PRIM2: variants seen among roughly 807,000 people sequenced by gnomAD.
The protein encoded by PRIM2 is DNA primase large subunit.
In PRIM2, 39 loss-of-function variants were observed where a neutral mutation model predicts 67.3. That is an observed-to-expected ratio of 0.58 (90% CI 0.45 to 0.76). The LOEUF is 0.76. Ranked by LOEUF, PRIM2 falls within the 30% of genes least tolerant of loss-of-function variation. The pLI is 0.00. For missense variants in PRIM2, 398 were observed against 598.7 expected (o/e 0.66, Z 3.50); for synonymous variants, 143 against 198.7 (o/e 0.72, Z 2.36).
the PRIM2 span, among the ~76,000 whole-genome samples, chr6:57,297,551 A>G: frequency 6.6e-6 from 1 of 152,368 alleles, no homozygotes; most frequent in South Asian, 2.1e-4. Context: ...ACATGATGAG[A>G]AACAGGATAT....
chr6:57,294,900 C>T, the PRIM2 span, among the ~76,000 whole-genome samples: 1 of 151,708 alleles, frequency 6.6e-6, no homozygotes, highest in East Asian at 1.9e-4. Flanking sequence ...ACCTCCACCT[C>T]CCGGATTTCA....
chr6:57,276,521 T>C, the PRIM2 span, among the ~76,000 whole-genome samples: 2 of 151,890 alleles, frequency 1.3e-5, no homozygotes, highest in Non-Finnish European at 2.9e-5. Context: ...GAAAAGGTAG[T>C]GGTTACTTTT....
intron 5 of PRIM2, among the ~76,000 whole-genome samples, chr6:57,350,860 C>T (rs527522047): frequency 6.6e-6 from 1 of 152,050 alleles, no homozygotes; most frequent in Admixed American, 6.6e-5. Flanking sequence ...ATACCATCTC[C>T]TTTTTTTATT....
intron 8 of PRIM2, among the ~76,000 whole-genome samples, chr6:57,508,077 C>T (rs1554347368): frequency 6.6e-6 from 1 of 152,278 alleles, no homozygotes; most frequent in Middle Eastern, 3.4e-3. Context: ...GCTAGGATTA[C>T]AGGTGTGGGG....
At chr6:57,375,079 C>T (rs1274496514) in intron 5 of PRIM2, among the ~76,000 whole-genome samples, 34 of 152,214 alleles carry the variant, frequency 2.2e-4, no homozygotes, top group Non-Finnish European at 4.3e-4. Flanking sequence ...GCCTGATTGC[C>T]TTAGCAGGAA....
At chr6:57,611,026 G>A (rs1326441946) in intron 12 of PRIM2, among the ~76,000 whole-genome samples, 2 of 152,024 alleles carry the variant, frequency 1.3e-5, no homozygotes, top group Non-Finnish European at 2.9e-5. Flanking sequence ...ACAAAAGATT[G>A]GAAAAGAAGA....
chr6:57,243,219 A>G, the PRIM2 span, among the ~76,000 whole-genome samples: 2 of 152,254 alleles, frequency 1.3e-5, no homozygotes, highest in Non-Finnish European at 2.9e-5. Context: ...CCCCTCAATA[A>G]CTGCCTGGTA....
chr6:57,432,794 A>T (rs1202429859), intron 7 of PRIM2, among the ~76,000 whole-genome samples: 1 of 152,238 alleles, frequency 6.6e-6, no homozygotes, highest in African/African-American at 2.4e-5. Context: ...AGGCAGTCAA[A>T]TATTTGTTTC....
chr6:57,625,059 C>T (rs1478038306), intron 12 of PRIM2, among the ~76,000 whole-genome samples: 3 of 152,138 alleles, frequency 2.0e-5, no homozygotes, highest in Admixed American at 6.5e-5. Flanking sequence ...CCACATGATT[C>T]AATTATCTCC....
chr6:57,438,905 G>T (rs72873557), intron 7 of PRIM2, among the ~76,000 whole-genome samples: 1 of 151,502 alleles, frequency 6.6e-6, no homozygotes, highest in African/African-American at 2.4e-5. Flanking sequence ...CCCGAGTAGC[G>T]GCCATGTTGG....
At chr6:57,569,930 G>A (rs1775830087) in intron 10 of PRIM2, among the ~76,000 whole-genome samples, 2 of 152,038 alleles carry the variant, frequency 1.3e-5, no homozygotes, top group Non-Finnish European at 2.9e-5. Flanking sequence ...TTTTAGTAGA[G>A]ACAGGGTTTC....
chr6:57,517,742 G>A (rs2127462923), intron 8 of PRIM2, among the ~76,000 whole-genome samples: 1 of 152,238 alleles, frequency 6.6e-6, no homozygotes, highest in Non-Finnish European at 1.5e-5. Flanking sequence ...GGTCACTGAG[G>A]GTCATGAGGC....
chr6:57,299,093 T>C, the PRIM2 span, among the ~76,000 whole-genome samples: 3 of 126,108 alleles, frequency 2.4e-5, no homozygotes, highest in Non-Finnish European at 1.9e-5. Flanking sequence ...TCTTTTTCTG[T>C]GTGTGTGTGT....
intron 7 of PRIM2, among the ~76,000 whole-genome samples, chr6:57,456,792 A>G (rs1195206966): frequency 6.6e-6 from 1 of 151,990 alleles, no homozygotes; most frequent in Admixed American, 6.6e-5. Context: ...TCAACTTGTC[A>G]AAGTCATTCT....
At chr6:57,596,627 A>G (rs1350033530) in intron 10 of PRIM2, among the ~76,000 whole-genome samples, 4 of 143,282 alleles carry the variant, frequency 2.8e-5, no homozygotes, top group African/African-American at 1.0e-4. Context: ...TATTTAAATT[A>G]TAACCTCAAA....
At chr6:57,348,493 T>TAGAG (rs938990322) in intron 5 of PRIM2, among the ~76,000 whole-genome samples, 1 of 152,200 alleles carries the variant, frequency 6.6e-6, no homozygotes, top group African/African-American at 2.4e-5. Flanking sequence ...AGAGATGCCA[T>TAGAG]AGAGGAAAGC....
At position 57,646,440 on chromosome 6, in the gene PRIM2, G is replaced by C. The variant is rs1777336362; in HGVS notation, c.*282G>C. The C allele has an allele frequency of 3.1e-6, 1 of 327,204 alleles. No individual in the cohort carries two copies. Among genetic ancestry groups the C allele is most frequent in the Non-Finnish European group, 5.6e-6 (1 of 178,376 alleles). The allele number at this position is 327,204 out of a possible 1,614,324, so 20.3% of individuals were successfully genotyped here. A position where few individuals can be genotyped will look rare whatever the true frequency, so the allele number is the denominator to read the frequency against. On this transcript the variant is annotated 3_prime_UTR_variant, in exon 14 of 14. Coordinates refer to ENST00000615550, the MANE Select transcript of PRIM2 (RefSeq NM_000947.5). ...TGCCCAGGCAGATCTCAGACTCCTG[G>C]GCTCAAGCGATCCTCACACCTCAGC...
intron 8 of PRIM2, among the ~76,000 whole-genome samples, chr6:57,513,768 G>T (rs1429768408): frequency 2.6e-5 from 4 of 152,192 alleles, no homozygotes; most frequent in African/African-American, 9.7e-5. Context: ...CAGCTGCTCA[G>T]GAGGCTGAGG....
At chr6:57,602,198 T>C (rs1443357517) in intron 11 of PRIM2, among the ~76,000 whole-genome samples, 4 of 152,108 alleles carry the variant, frequency 2.6e-5, no homozygotes, top group African/African-American at 9.7e-5. Flanking sequence ...TAGCTAGGAT[T>C]ACAGGCACCT....
Sources: gnomAD v4.1 joint callset for allele counts (sites outside exome capture counted in the v4.1 genomes callset) on GRCh38, gnomAD v4.1.1 for gene constraint, MANE v1.5 for transcripts, NCBI Gene and HGNC (gene_info 2026-07-23, HGNC 2026-07-21) for gene names.